The following CFAP44 variants were observed in gnomAD, a reference collection of about 807,000 sequenced individuals.
CFAP44 encodes the protein cilia- and flagella-associated protein 44.
In CFAP44, 134 loss-of-function variants were observed where a neutral mutation model predicts 216.2. The observed-to-expected ratio is 0.62, with a 90% CI of 0.54 to 0.72. The LOEUF (loss-of-function observed/expected upper bound fraction) is 0.72. Among genes scored for constraint, CFAP44 ranks in the 30% least tolerant of loss-of-function variants. The pLI, the probability that CFAP44 is intolerant of heterozygous loss-of-function variation, is 0.00. For synonymous variants in CFAP44, 700 were observed against 727.6 expected, an observed-to-expected ratio of 0.96 and a Z score of 0.61; for missense variants, 2,035 against 2,182.1, an observed-to-expected ratio of 0.93 and a Z score of 1.34.
intron 9 of CFAP44, 41 bp from the exon 10 acceptor site, chr3:113,401,780 T>A: frequency 6.5e-7 from 1 of 1,538,758 alleles, no homozygotes; most frequent in Non-Finnish European, 8.7e-7. Flanking sequence ...GATCAGTAGT[T>A]TCTGAACATT....
intron 29 of CFAP44, 135 bp from the exon 30 acceptor site, chr3:113,306,466 T>C (rs1949986607): frequency 9.0e-6 from 9 of 1,003,050 alleles, no homozygotes; most frequent in South Asian, 3.1e-5. Context: ...AAGACACTTA[T>C]GGCTTAATTG....
intron 9 of CFAP44, among the ~76,000 whole-genome samples, chr3:113,402,788 T>C (rs1934178350): frequency 6.6e-6 from 1 of 152,174 alleles, no homozygotes; most frequent in African/African-American, 2.4e-5. Context: ...CATGAAGGGA[T>C]CCTCTGTGAA....
intron 13 of CFAP44, among the ~76,000 whole-genome samples, chr3:113,399,206 C>G (rs1934071056): frequency 6.6e-6 from 1 of 152,134 alleles, no homozygotes; most frequent in South Asian, 2.1e-4. Context: ...TGGATTATTC[C>G]AGGCCCAGCC....
chr3:113,328,654 T>C (rs975594462), intron 26 of CFAP44, among the ~76,000 whole-genome samples: 4 of 123,402 alleles, frequency 3.2e-5, no homozygotes, highest in Non-Finnish European at 6.3e-5. Flanking sequence ...AAGAGATCTG[T>C]GGGTTTGGAG....
Position 113,363,479 on chromosome 3 carries a change from G to A in CFAP44, c.2769C>T (p.Tyr923=). 10 of 1,610,260 alleles carry A rather than the reference G, an allele frequency of 6.2e-6. No individual in the cohort carries two copies. Among genetic ancestry groups the A allele is most frequent in the Non-Finnish European group, 7.6e-6 (9 of 1,178,674 alleles). The change falls in exon 20 of 35, where the codon TAC becomes TAT. Residue 923 remains tyrosine (Y), a splice_region_variant and synonymous_variant. Transcript: ENST00000393845. ...IPEDIEDPKA[Y]SIENARRKRE... is the part of the protein sequence containing the mutation. ...GTATTTATCAAAAATTCCCATACCTGTAGGCTTTGGGATCTTCAATGTCTT... is the reference window on the plus strand; with the variant it reads ...GTATTTATCAAAAATTCCCATACCTATAGGCTTTGGGATCTTCAATGTCTT...
intron 1 of CFAP44, among the ~76,000 whole-genome samples, chr3:113,436,727 A>G (rs1935248841): frequency 6.6e-6 from 1 of 152,252 alleles, no homozygotes; most frequent in South Asian, 2.1e-4. Flanking sequence ...GGGTTTTCCA[A>G]CAAAATCAAA....
intron 25 of CFAP44, among the ~76,000 whole-genome samples, chr3:113,333,064 CAG>C (rs756474294): frequency 1.3e-4 from 20 of 152,244 alleles, no homozygotes; most frequent in East Asian, 9.6e-4. Flanking sequence ...AGACATTCAT[CAG>C]AGAGTCAAAC....
In CFAP44 at chr3:113,296,749, A is replaced by G; in HGVS notation, c.5214T>C (p.Asn1738=). The part of the protein sequence containing the change: ...KIRKLRKELA[N]AKEMKMWEEK... ...CCTCCCACATCTTCATCTCTTTCGCATTTGCTAGCTCCTTTCGAAGTTTTC... is the reference window on the plus strand; with the variant it reads ...CCTCCCACATCTTCATCTCTTTCGCGTTTGCTAGCTCCTTTCGAAGTTTTC... The change falls in exon 33 of 35, where the codon AAT becomes AAC. Residue 1738 remains asparagine (N), a synonymous_variant. Transcript: ENST00000393845. 6.5e-7 allele frequency: 1 copy of G among 1,537,600 alleles called. No individual in the cohort carries two copies. The highest frequency in any genetic ancestry group is 2.4e-5 in the East Asian group (1 of 40,912).
chr3:113,309,324 A>G (rs935017722), intron 28 of CFAP44, among the ~76,000 whole-genome samples: 33 of 152,016 alleles, frequency 2.2e-4, no homozygotes, highest in South Asian at 2.1e-4. Flanking sequence ...GAATTACCCT[A>G]CTTCTTAGTA....
intron 31 of CFAP44, chr3:113,304,366 T>C: frequency 6.6e-6 from 3 of 453,296 alleles, no homozygotes. Context: ...ATCTACTGCA[T>C]AATGATGTGA....
At chr3:113,351,694 G>A (rs1278419935) in intron 22 of CFAP44, among the ~76,000 whole-genome samples, 1 of 152,112 alleles carries the variant, frequency 6.6e-6, no homozygotes, top group African/African-American at 2.4e-5. Flanking sequence ...ATCAGACAAC[G>A]CCTTTCAAAC....
At chr3:113,428,838 T>C (rs1399048642) in intron 2 of CFAP44, 6 of 152,182 alleles carry the variant, frequency 3.9e-5, no homozygotes, top group South Asian at 2.1e-4. Flanking sequence ...TTTTGGTGTA[T>C]GACCCACAAT....
chr3:113,327,976 A>G (rs897310779), intron 26 of CFAP44, among the ~76,000 whole-genome samples, 157 bp from the exon 27 acceptor site: 1 of 152,178 alleles, frequency 6.6e-6, no homozygotes, highest in Non-Finnish European at 1.5e-5. Flanking sequence ...AAATTCATTA[A>G]TGGCATTAAG....
At chr3:113,367,554 T>A (rs1932985994) in intron 18 of CFAP44, among the ~76,000 whole-genome samples, 2 of 151,962 alleles carry the variant, frequency 1.3e-5, no homozygotes, top group Admixed American at 6.5e-5. Flanking sequence ...AAAAAGGACA[T>A]CCACACCAAA....
rs80246910 is a variant in CFAP44, at chr3:113,402,783, A to C, written c.1171-1044T>G. Among the ~76,000 whole-genome samples, 19 of 152,332 alleles carry C rather than the reference A, an allele frequency of 1.2e-4. No individual in the cohort carries two copies. In the East Asian group the frequency reaches 3.7e-3, roughly 29 times the overall value. ...GCTTAGGAAATACTGGTGTCCATGAAGGGATCCTCTGTGAAATATTTAACT... is the reference window on the plus strand; with the variant it reads ...GCTTAGGAAATACTGGTGTCCATGACGGGATCCTCTGTGAAATATTTAACT... On this transcript the variant is annotated intron_variant, in intron 9 of 34. Transcript: ENST00000393845.
At chr3:113,385,858 T>C (rs1490949841) in intron 15 of CFAP44, among the ~76,000 whole-genome samples, 1 of 151,760 alleles carries the variant, frequency 6.6e-6, no homozygotes, top group African/African-American at 2.4e-5. Flanking sequence ...TGACCAGGCT[T>C]GTCTCAAACT....
chr3:113,338,277 A>G (rs1351678926), intron 24 of CFAP44, among the ~76,000 whole-genome samples: 114 of 149,398 alleles, frequency 7.6e-4, no homozygotes, highest in African/African-American at 2.1e-3. Context: ...AAAAAAAAAA[A>G]AAAAAAAGAA....
intron 28 of CFAP44, among the ~76,000 whole-genome samples, chr3:113,320,541 T>C (rs1950136496): frequency 7.2e-6 from 1 of 139,738 alleles, no homozygotes; most frequent in Admixed American, 7.2e-5. Flanking sequence ...TATATGTATA[T>C]ATATAATGAA....
At chr3:113,332,294 G>A (rs1324307412) in intron 25 of CFAP44, among the ~76,000 whole-genome samples, 1 of 152,138 alleles carries the variant, frequency 6.6e-6, no homozygotes, top group African/African-American at 2.4e-5. Flanking sequence ...TGTCCAAATT[G>A]TCCATTTTGA....
Sources: gnomAD v4.1 joint callset for allele counts (sites outside exome capture counted in the v4.1 genomes callset) on GRCh38, gnomAD v4.1.1 for gene constraint, MANE v1.5 for transcripts, NCBI Gene and HGNC (gene_info 2026-07-23, HGNC 2026-07-21) for gene names.